The following IFIH1 variants were observed in gnomAD, a reference collection of about 807,000 sequenced individuals.
The protein encoded by IFIH1 is interferon induced with helicase C domain 1, also known as interferon-induced helicase C domain-containing protein 1.
In IFIH1, 125 loss-of-function variants were observed where a neutral mutation model predicts 107.4. The ratio of observed to expected loss-of-function variants is 1.16; its 90% CI spans 1.01 to 1.35. IFIH1 has a LOEUF of 1.35. IFIH1 is among the 40% of genes most tolerant of loss of function. The pLI, the probability that IFIH1 is intolerant of heterozygous loss-of-function variation, is 0.00. For missense variants in IFIH1, 1,333 were observed against 1,213.7 expected (o/e 1.10, Z -1.46); for synonymous variants, 458 against 413.2 (o/e 1.11, Z -1.31).
chr2:162,267,617 C>G (rs769151050), intron 14 of IFIH1, 48 bp from the exon 15 acceptor site: 1 of 1,347,876 alleles, frequency 7.4e-7, no homozygotes, highest in Admixed American at 1.7e-5. Context: ...TGACAAAATA[C>G]CAGTGTGTAG....
chr2:162,286,875 T>G (rs1682903784), intron 5 of IFIH1, among the ~76,000 whole-genome samples: 1 of 151,926 alleles, frequency 6.6e-6, no homozygotes, highest in Non-Finnish European at 1.5e-5. Context: ...ATAATCCAAT[T>G]GAAATTTCAG....
chr2:162,288,132 T>C lies in IFIH1; in HGVS notation c.1095+3A>G. 1 of 1,580,826 alleles carries C rather than the reference T, an allele frequency of 6.3e-7. No individual in the cohort carries two copies. The highest frequency in any genetic ancestry group is 8.7e-7 in the Non-Finnish European group (1 of 1,151,826). ...CAACTAGTGTTATGTGTTCTTTGAATACCTTATTGACAAGAACTATAACTT... is the reference window on the plus strand; with the variant it reads ...CAACTAGTGTTATGTGTTCTTTGAACACCTTATTGACAAGAACTATAACTT... On this transcript the variant is annotated splice_donor_region_variant and intron_variant, in intron 5 of 15. Coordinates refer to ENST00000649979, the MANE Select transcript of IFIH1 (RefSeq NM_022168.4).
In IFIH1 at chr2:162,293,687, T is replaced by C; in HGVS notation, c.770-19A>G. ...TCTGATTCTGCAAAGGAAAACATTT[T>C]AAAATATTTTTAAAATATTTCTGAG... On this transcript the variant is annotated intron_variant, in intron 3 of 15. Transcript: ENST00000649979. 2 of 1,504,870 alleles carry C rather than the reference T, an allele frequency of 1.3e-6. No homozygotes were observed. Among genetic ancestry groups the C allele is most frequent in the Non-Finnish European group, 1.8e-6 (2 of 1,082,882 alleles). The allele number at this position is 1,504,870 out of a possible 1,614,324, so 93.2% of individuals were successfully genotyped here. A position where few individuals can be genotyped will look rare whatever the true frequency, so the allele number is the denominator to read the frequency against.
At chr2:162,268,438 T>C (rs986167051) in intron 13 of IFIH1, among the ~76,000 whole-genome samples, 161 bp from the exon 14 acceptor site, 4 of 152,110 alleles carry the variant, frequency 2.6e-5, no homozygotes, top group African/African-American at 9.7e-5. Context: ...CCCAAAGAAT[T>C]TGGTATATAA....
chr2:162,309,787 CT>C (rs1683358671), intron 2 of IFIH1, among the ~76,000 whole-genome samples: 1 of 152,144 alleles, frequency 6.6e-6, no homozygotes, highest in South Asian at 2.1e-4. Context: ...AATTTCTCTT[CT>C]TTTGCATTTT....
intron 8 of IFIH1, among the ~76,000 whole-genome samples, chr2:162,278,832 T>G (rs571754185): frequency 6.6e-6 from 1 of 152,222 alleles, no homozygotes; most frequent in Non-Finnish European, 1.5e-5. Flanking sequence ...ACTCATTTTT[T>G]GTTTTAGAAG....
chr2:162,288,260 T>C lies in IFIH1; in HGVS notation c.970A>G (p.Asn324Asp), dbSNP rs1159972993. The C allele has an allele frequency of 1.2e-6, 2 of 1,612,818 alleles. No homozygotes were observed. Among genetic ancestry groups the C allele is most frequent in the Non-Finnish European group, 1.7e-6 (2 of 1,179,200 alleles). The change falls in exon 5 of 16, where the codon AAT (asparagine) becomes GAT (aspartate). Residue 324 changes from asparagine (N) to aspartate (D), a missense_variant. Physicochemically the swap from Asn to Asp is conservative, Grantham distance 23 (BLOSUM62 1). Transcript: ENST00000649979. The stretch of plus-strand genomic sequence containing the variant: ...CCTGTAGGGAGGCAGATGATGATAT[T>C]CTTCCCTTCCAAGGCTGGCTGGGCA... The part of the protein sequence containing the change: ...EVAQPALEGK[N>D]IIICLPTGSG...
chr2:162,300,778 T>A lies in IFIH1; in HGVS notation c.769+5931A>T, dbSNP rs189066977. Among the ~76,000 whole-genome samples the A allele has an allele frequency of 1.7e-3, 254 of 152,302 alleles. 2 individuals carry two copies. Among genetic ancestry groups the A allele is most frequent in the African/African-American group, 5.3e-3 (219 of 41,578 alleles). On this transcript the variant is annotated intron_variant, in intron 3 of 15. Transcript: ENST00000649979. ...AACAGTCTTATTGTAAACTACTGTATCAATTATTTTTTTCCACTTAGGTTT... is the reference window on the plus strand; with the variant it reads ...AACAGTCTTATTGTAAACTACTGTAACAATTATTTTTTTCCACTTAGGTTT...
chr2:162,281,583 A>G (rs779072901), intron 6 of IFIH1, 38 bp from the exon 7 acceptor site: 2 of 1,420,208 alleles, frequency 1.4e-6, no homozygotes, highest in Admixed American at 3.8e-5. Context: ...TCTCCATATC[A>G]GCACACTACA....
chr2:162,269,125 C>G (rs1234363345), intron 13 of IFIH1, among the ~76,000 whole-genome samples: 1 of 152,138 alleles, frequency 6.6e-6, no homozygotes, highest in Non-Finnish European at 1.5e-5. Flanking sequence ...TCCATTTTTC[C>G]TAACAGAACC....
At chr2:162,269,609 C>A (rs1315468941) in intron 13 of IFIH1, among the ~76,000 whole-genome samples, 1 of 152,144 alleles carries the variant, frequency 6.6e-6, no homozygotes. Context: ...AAATCTGGTT[C>A]TTGAATAATT....
At chr2:162,295,359 G>A (rs1683068358) in intron 3 of IFIH1, among the ~76,000 whole-genome samples, 1 of 151,824 alleles carries the variant, frequency 6.6e-6, no homozygotes, top group Non-Finnish European at 1.5e-5. Flanking sequence ...ATTCATCTAC[G>A]TTGTTGTGTG....
At chr2:162,268,672 C>T (rs1559809260) in intron 13 of IFIH1, among the ~76,000 whole-genome samples, 2 of 152,224 alleles carry the variant, frequency 1.3e-5, no homozygotes, top group East Asian at 3.9e-4. Context: ...TCACTGCAAC[C>T]TCCATCTCCT....
intron 3 of IFIH1, among the ~76,000 whole-genome samples, chr2:162,295,901 T>C (rs1404549905): frequency 6.6e-6 from 1 of 151,936 alleles, no homozygotes; most frequent in Non-Finnish European, 1.5e-5. Context: ...ATTGCAAGAG[T>C]AATTCTAGAT....
chr2:162,316,707 A>G (rs1159215609), intron 1 of IFIH1, among the ~76,000 whole-genome samples: 2 of 152,174 alleles, frequency 1.3e-5, no homozygotes, highest in African/African-American at 2.4e-5. Context: ...AAAGCCTTTG[A>G]CTTTTAGTCA....
At chr2:162,279,742 A>G (rs1417069258) in intron 8 of IFIH1, among the ~76,000 whole-genome samples, 1 of 151,908 alleles carries the variant, frequency 6.6e-6, no homozygotes, top group Non-Finnish European at 1.5e-5. Context: ...ATGGCCCCTC[A>G]CTGTCCCTTT....
chr2:162,316,277 C>T (rs1396642645), intron 1 of IFIH1, among the ~76,000 whole-genome samples: 1 of 152,188 alleles, frequency 6.6e-6, no homozygotes, highest in East Asian at 1.9e-4. Flanking sequence ...CTAACAGCTA[C>T]TGTGGCTGGA....
At chr2:162,303,093 A>T (rs1683219204) in intron 3 of IFIH1, among the ~76,000 whole-genome samples, 1 of 152,172 alleles carries the variant, frequency 6.6e-6, no homozygotes, top group African/African-American at 2.4e-5. Flanking sequence ...CCTCAGTGGA[A>T]AGCTCCATGG....
chr2:162,294,098 C>A (rs527965444), intron 3 of IFIH1, among the ~76,000 whole-genome samples: 42 of 151,888 alleles, frequency 2.8e-4, no homozygotes, highest in Admixed American at 5.9e-4. Flanking sequence ...TAATAAAGTA[C>A]CTGGATCTAC....
Sources: allele counts gnomAD v4.1 joint callset (sites outside exome capture counted in the v4.1 genomes callset), GRCh38; gene constraint gnomAD v4.1.1; transcripts MANE v1.5; gene names NCBI Gene and HGNC (gene_info 2026-07-23, HGNC 2026-07-21).